ACTR3: variants seen among roughly 807,000 people sequenced by gnomAD.
ACTR3 encodes the protein actin related protein 3, also known as actin-related protein 3.
In ACTR3, 12 loss-of-function variants were observed where a neutral mutation model predicts 56.8. The observed-to-expected ratio is 0.21, with a 90% CI of 0.14 to 0.34. ACTR3 has a LOEUF of 0.34. Ranked by LOEUF, ACTR3 falls within the 10% of genes least tolerant of loss-of-function variation. The probability of loss-of-function intolerance (pLI) is 1.00; values close to 1 mark genes in which losing one functional copy is unlikely to be tolerated. For synonymous variants in ACTR3, 162 were observed against 167.4 expected (o/e 0.97, Z 0.25); for missense variants, 282 against 512.5 (o/e 0.55, Z 4.34).
intron 1 of ACTR3, among the ~76,000 whole-genome samples, chr2:113,893,288 TTTTGTTTG>T (rs149154098): frequency 5.3e-5 from 8 of 151,412 alleles, no homozygotes; most frequent in Non-Finnish European, 7.4e-5. Flanking sequence ...CTTTTTGTTT[TTTTGTTTG>T]TTTGTTTGTT....
chr2:113,894,089 G>C (rs188035512), intron 1 of ACTR3, among the ~76,000 whole-genome samples: 105 of 150,700 alleles, frequency 7.0e-4, no homozygotes, highest in African/African-American at 2.4e-3. Flanking sequence ...TAATAATGCT[G>C]TTTCTTTTTT....
intron 8 of ACTR3, among the ~76,000 whole-genome samples, chr2:113,948,937 G>T (rs1262448405): frequency 1.4e-5 from 1 of 70,934 alleles, no homozygotes; most frequent in Non-Finnish European, 2.3e-5. Flanking sequence ...TCTTGTGTTG[G>T]ATCTCTTTTT....
intron 1 of ACTR3, among the ~76,000 whole-genome samples, chr2:113,901,904 TA>T (rs1361637038): frequency 6.6e-6 from 1 of 152,186 alleles, no homozygotes; most frequent in Non-Finnish European, 1.5e-5. Flanking sequence ...TTGCAATTTG[TA>T]AAATTAAAAA....
chr2:113,931,557 T>C (rs975791444), intron 5 of ACTR3, among the ~76,000 whole-genome samples, 161 bp downstream of exon 5: 19 of 152,200 alleles, frequency 1.2e-4, no homozygotes, highest in African/African-American at 4.1e-4. Context: ...AGTAATATTA[T>C]GGGAAGTGGA....
At chr2:113,929,079 AT>A (rs1252978382) in intron 4 of ACTR3, among the ~76,000 whole-genome samples, 1 of 149,652 alleles carries the variant, frequency 6.7e-6, no homozygotes, top group East Asian at 1.9e-4. Flanking sequence ...CATTGTATAA[AT>A]TTGCCTCACT....
chr2:113,949,463 AT>A (rs1436669314), intron 8 of ACTR3, among the ~76,000 whole-genome samples: 1 of 151,544 alleles, frequency 6.6e-6, no homozygotes, highest in African/African-American at 2.4e-5. Flanking sequence ...AGTTTAATAA[AT>A]AAAGGAATAA....
chr2:113,949,377 CAA>C (rs1167037648), intron 8 of ACTR3, among the ~76,000 whole-genome samples: 2 of 57,714 alleles, frequency 3.5e-5, no homozygotes, highest in Admixed American at 2.0e-4. Context: ...GACTCGGTCT[CAA>C]AAAAAAAAAA....
chr2:113,931,226 CTCATTTAAAAATTGTCA>C, intron 4 of ACTR3, 58 bp from the exon 5 acceptor site: 1 of 825,934 alleles, frequency 1.2e-6, no homozygotes, highest in Non-Finnish European at 1.8e-6. Context: ...TAAATTACTT[CTCATTTAAAAATTGTCA>C]AGAAAGTTAT....
chr2:113,913,461 G>A (rs918163402), intron 2 of ACTR3, among the ~76,000 whole-genome samples: 27 of 152,022 alleles, frequency 1.8e-4, no homozygotes, highest in African/African-American at 6.5e-4. Context: ...AAGAAAAAAA[G>A]AAATTAGCTG....
At chr2:113,948,716 A>T (rs1047897198) in intron 8 of ACTR3, among the ~76,000 whole-genome samples, 15 of 152,158 alleles carry the variant, frequency 9.9e-5, no homozygotes, top group African/African-American at 3.4e-4. Context: ...CTGTTTGCTT[A>T]GTGCTAAAAT....
At chr2:113,940,149 A>G in intron 7 of ACTR3, 47 bp downstream of exon 7, 1 of 1,538,558 alleles carries the variant, frequency 6.5e-7, no homozygotes, top group Non-Finnish European at 8.8e-7. Flanking sequence ...TTAAAATCAC[A>G]TTTATAACAT....
intron 1 of ACTR3, among the ~76,000 whole-genome samples, chr2:113,907,636 T>C (rs1679219431): frequency 1.3e-5 from 2 of 152,180 alleles, no homozygotes. Context: ...TGATAGGATT[T>C]ATAAATTCAA....
intron 11 of ACTR3, among the ~76,000 whole-genome samples, chr2:113,957,039 A>G (rs1175945438): frequency 6.6e-6 from 1 of 152,242 alleles, no homozygotes. Context: ...GGTGCAATGA[A>G]AGTATGGGAA....
At chr2:113,931,264 T>C (rs561613185) in intron 4 of ACTR3, 37 bp from the exon 5 acceptor site, 2 of 1,220,394 alleles carry the variant, frequency 1.6e-6, no homozygotes, top group East Asian at 2.6e-5. Flanking sequence ...CAAAATAATC[T>C]GATATTATCT....
In ACTR3 at chr2:113,909,082, A is replaced by G. The variant is rs1177337754; in HGVS notation, c.45-4090A>G. ...TTACATGATTTAGTTCTTTTGGGAT[A>G]TTTAAAATTTAAATCTAAGGTAGTA... On this transcript the variant is annotated intron_variant, in intron 1 of 11. Transcript: ENST00000263238. Among the ~76,000 whole-genome samples the G allele has an allele frequency of 3.3e-5, 5 of 152,320 alleles. No homozygotes were observed. The East Asian group carries it at 9.6e-4, about 29-fold the overall frequency.
At chr2:113,902,132 C>T (rs7564340) in intron 1 of ACTR3, among the ~76,000 whole-genome samples, 2 of 152,098 alleles carry the variant, frequency 1.3e-5, no homozygotes, top group Non-Finnish European at 1.5e-5. Flanking sequence ...ATGACTGTCC[C>T]CAAATCCACT....
rs761022947 is a variant in ACTR3, at chr2:113,951,462, T to C, written c.859-17T>C. 2 of 1,532,442 alleles carry C rather than the reference T, an allele frequency of 1.3e-6. No individual in the cohort carries two copies. The highest frequency in any genetic ancestry group is 2.2e-5 in the South Asian group (2 of 89,170). The allele number at this position is 1,532,442 out of a possible 1,614,324, so 94.9% of individuals were successfully genotyped here. On this transcript the variant is annotated splice_polypyrimidine_tract_variant and intron_variant, in intron 8 of 11. Coordinates refer to ENST00000263238, the MANE Select transcript of ACTR3 (RefSeq NM_005721.5). ...GTAGTGATATGATCTCTATTATATA[T>C]CCAACTTATTTTTCAGTTTGCTAAT...
At position 113,956,603 on chromosome 2, in the gene ACTR3, C is replaced by T. The variant is rs1253911151; in HGVS notation, c.1162-757C>T. Among the ~76,000 whole-genome samples, 4 of 152,184 alleles carry T rather than the reference C, an allele frequency of 2.6e-5. No individual in the cohort carries two copies. The East Asian group carries it at 7.7e-4, about 29-fold the overall frequency. ...GAATAAAGGGAATTATTCTAAGAAT[C>T]CTGTCCCCAAATTAAAATGTCTTTA... On this transcript the variant is annotated intron_variant, in intron 11 of 11. Coordinates refer to ENST00000263238, the MANE Select transcript of ACTR3 (RefSeq NM_005721.5).
chr2:113,905,448 GAAC>G (rs1375777162), intron 1 of ACTR3, among the ~76,000 whole-genome samples: 5 of 145,340 alleles, frequency 3.4e-5, no homozygotes, highest in Non-Finnish European at 7.5e-5. Context: ...CTAGGCGACA[GAAC>G]AAGACTCCGT....
Sources: gnomAD v4.1 joint callset for allele counts (sites outside exome capture counted in the v4.1 genomes callset) on GRCh38, gnomAD v4.1.1 for gene constraint, MANE v1.5 for transcripts, NCBI Gene and HGNC (gene_info 2026-07-23, HGNC 2026-07-21) for gene names.